ALK: variants seen among roughly 807,000 people sequenced by gnomAD.
ALK encodes the protein ALK tyrosine kinase receptor.
A neutral mutation model predicts 163.1 loss-of-function variants in ALK; 74 were observed. The observed-to-expected ratio is 0.45, with a 90% confidence interval of 0.38 to 0.55. The LOEUF is 0.55. Ranked by LOEUF, ALK falls within the 20% of genes least tolerant of loss-of-function variation. The probability of loss-of-function intolerance (pLI) is 0.00; values close to 1 mark genes in which losing one functional copy is unlikely to be tolerated. For missense variants in ALK, 2,063 were observed against 2,105.3 expected (o/e 0.98, Z 0.39); for synonymous variants, 960 against 843.2 (o/e 1.14, Z -2.40).
Position 29,322,235 on chromosome 2 carries a change from G to T in ALK, c.1415-1353C>A, listed in dbSNP as rs189978853. ...GAGGGCCCTAACGCTTCCTGGCTGT[G>T]ACAGCACCTTAGTGAATTATTACTC... is the stretch of plus-strand genomic sequence containing the variant. On this transcript the variant is annotated intron_variant, in intron 6 of 28. Coordinates refer to ENST00000389048, the MANE Select transcript of ALK (RefSeq NM_004304.5). Among the ~76,000 whole-genome samples, 17 of 152,344 alleles carry T rather than the reference G, an allele frequency of 1.1e-4. No homozygotes were observed. The East Asian group carries it at 3.1e-3, about 28-fold the overall frequency.
chr2:29,912,608 G>T (rs1391516663), intron 1 of ALK, among the ~76,000 whole-genome samples: 1 of 152,000 alleles, frequency 6.6e-6, no homozygotes, highest in Non-Finnish European at 1.5e-5. Context: ...AAGAGCAAAA[G>T]AAATGGTATA....
intron 1 of ALK, among the ~76,000 whole-genome samples, chr2:29,806,686 C>T (rs1034345699): frequency 2.0e-5 from 3 of 152,044 alleles, no homozygotes; most frequent in Admixed American, 6.5e-5. Context: ...TAAAGCCTTC[C>T]GGGGGAAGGT....
intron 1 of ALK, among the ~76,000 whole-genome samples, chr2:29,723,471 T>C (rs1253253384): frequency 1.3e-5 from 2 of 152,206 alleles, no homozygotes; most frequent in Non-Finnish European, 2.9e-5. Context: ...GTTCTGTATA[T>C]TGGTTTATTC....
At chr2:29,664,430 A>T (rs1001071138) in intron 3 of ALK, among the ~76,000 whole-genome samples, 1 of 152,028 alleles carries the variant, frequency 6.6e-6, no homozygotes, top group Non-Finnish European at 1.5e-5. Context: ...TTGTACTCCC[A>T]CTTCCATTTG....
chr2:29,841,599 T>C (rs115858639), intron 1 of ALK, among the ~76,000 whole-genome samples: 1,711 of 152,270 alleles, frequency 0.011, 34 homozygotes, highest in African/African-American at 0.039. Context: ...TTCTGGGTAA[T>C]AGCAGGCAGC....
intron 3 of ALK, among the ~76,000 whole-genome samples, chr2:29,538,250 G>C (rs977564370): frequency 1.3e-5 from 2 of 152,174 alleles, no homozygotes; most frequent in African/African-American, 4.8e-5. Context: ...ATCTCACGTT[G>C]AAATGTGATT....
In ALK at chr2:29,211,713, T is replaced by C. The variant is rs112282641; in HGVS notation, c.3744-1835A>G. On this transcript the variant is annotated intron_variant, in intron 24 of 28. Coordinates refer to ENST00000389048, the MANE Select transcript of ALK (RefSeq NM_004304.5). Reference sequence around the variant, plus strand: ...GTTGTGGGTATGTACCACAGACCTCTTAGCTAGTTAGAACATGTAAAAGAC... The same window carrying C: ...GTTGTGGGTATGTACCACAGACCTCCTAGCTAGTTAGAACATGTAAAAGAC... Among the ~76,000 whole-genome samples, 475 of 152,336 alleles carry C rather than the reference T, an allele frequency of 3.1e-3. 2 individuals carry two copies. The highest frequency in any genetic ancestry group is 3.4e-3 in the Middle Eastern group (1 of 294).
intron 4 of ALK, among the ~76,000 whole-genome samples, chr2:29,459,655 C>T (rs1381921418): frequency 6.6e-6 from 1 of 151,756 alleles, no homozygotes; most frequent in Non-Finnish European, 1.5e-5. Flanking sequence ...CTTCTTCTTT[C>T]TTCCTGGAAC....
intron 5 of ALK, among the ~76,000 whole-genome samples, chr2:29,380,567 T>C (rs1254460014): frequency 1.3e-5 from 2 of 152,068 alleles, no homozygotes; most frequent in African/African-American, 2.4e-5. Context: ...TACAGGCATG[T>C]GCCACCACGC....
intron 5 of ALK, among the ~76,000 whole-genome samples, chr2:29,347,293 G>A (rs1309609691): frequency 6.6e-6 from 1 of 152,178 alleles, no homozygotes; most frequent in Non-Finnish European, 1.5e-5. Context: ...CCATTCCTCT[G>A]AAACTCTGAC....
chr2:29,212,094 C>A (rs947007699), intron 24 of ALK, among the ~76,000 whole-genome samples: 1 of 152,090 alleles, frequency 6.6e-6, no homozygotes, highest in Non-Finnish European at 1.5e-5. Flanking sequence ...CTATGGTGAC[C>A]AACGTGGGCA....
chr2:29,787,100 T>C (rs1053234904), intron 1 of ALK, among the ~76,000 whole-genome samples: 4 of 152,262 alleles, frequency 2.6e-5, no homozygotes, highest in Non-Finnish European at 4.4e-5. Flanking sequence ...CGGCCTTCCC[T>C]GGGAGTTTTT....
At chr2:29,835,693 C>A (rs78437791) in intron 1 of ALK, among the ~76,000 whole-genome samples, 2 of 152,146 alleles carry the variant, frequency 1.3e-5, no homozygotes, top group African/African-American at 4.8e-5. Flanking sequence ...TGATGGGACA[C>A]AATTGAATCA....
chr2:29,886,446 T>C (rs1046312571), intron 1 of ALK, among the ~76,000 whole-genome samples: 1 of 152,258 alleles, frequency 6.6e-6, no homozygotes, highest in Non-Finnish European at 1.5e-5. Context: ...TATACCTATC[T>C]ATTTGCCTGT....
rs1668829453 is a variant in ALK at position 29,379,051 on chromosome 2, T to C, written c.1282+4681A>G. Among the ~76,000 whole-genome samples the C allele has an allele frequency of 2.0e-5, 3 of 152,186 alleles. No individual in the cohort carries two copies. In the South Asian group the frequency reaches 6.2e-4, roughly 32 times the overall value. ...CAAATCCCTTTCAAGAAGCTAGTCT[T>C]TCCCATTCTGACGTATGTGTTGCTG... On this transcript the variant is annotated intron_variant, in intron 5 of 28. Transcript: ENST00000389048.
chr2:29,334,408 A>T lies in ALK; in HGVS notation c.1283-5927T>A, dbSNP rs567859291. Among the ~76,000 whole-genome samples, 4 of 152,372 alleles carry T rather than the reference A, an allele frequency of 2.6e-5. No individual in the cohort carries two copies. The South Asian group carries it at 8.3e-4, about 32-fold the overall frequency. On this transcript the variant is annotated intron_variant, in intron 5 of 28. Coordinates refer to ENST00000389048, the MANE Select transcript of ALK (RefSeq NM_004304.5). ...TTATGTCCATTTGATAGTTGAGAAT[A>T]CCAAAGCTCCGAGTGGTTAGTGGCT...
At position 29,644,069 on chromosome 2, in the gene ALK, T is replaced by C. The variant is rs571346094; in HGVS notation, c.952+50781A>G. Among the ~76,000 whole-genome samples, 295 of 151,982 alleles carry C rather than the reference T, an allele frequency of 1.9e-3. 1 individual carries two copies. In the Middle Eastern group the frequency reaches 0.037, roughly 19 times the overall value. On this transcript the variant is annotated intron_variant, in intron 3 of 28. Transcript: ENST00000389048. ...TACACCATGGAATACTATGCAGCCA[T>C]AAAAAATGATGAGTTCACGTCCTTT...
At chr2:29,673,102 A>G (rs1457026221) in intron 3 of ALK, among the ~76,000 whole-genome samples, 4,126 of 137,908 alleles carry the variant, frequency 0.03, 181 homozygotes, top group African/African-American at 0.12. Flanking sequence ...AGTAGGTTGC[A>G]AAAATTTTCT....
chr2:29,719,233 G>T (rs970141560), intron 1 of ALK, among the ~76,000 whole-genome samples: 1 of 152,208 alleles, frequency 6.6e-6, no homozygotes, highest in African/African-American at 2.4e-5. Flanking sequence ...GGAAGTGCTG[G>T]CTCTTGGGTA....
Sources: gnomAD v4.1 joint callset for allele counts (sites outside exome capture counted in the v4.1 genomes callset) on GRCh38, gnomAD v4.1.1 for gene constraint, MANE v1.5 for transcripts, NCBI Gene and HGNC (gene_info 2026-07-23, HGNC 2026-07-21) for gene names.